The following PAMR1 variants were observed in gnomAD, a reference collection of about 807,000 sequenced individuals.
PAMR1 encodes peptidase domain containing associated with muscle regeneration 1.
Under a neutral mutation model 81.8 loss-of-function variants are expected in PAMR1, and 88 were observed. The observed-to-expected ratio is 1.08, with a 90% CI of 0.91 to 1.28. The LOEUF is 1.28. PAMR1 is among the 50% of genes most tolerant of loss of function. The pLI, the probability that PAMR1 is intolerant of heterozygous loss-of-function variation, is 0.00. For missense variants in PAMR1, 935 were observed against 919.7 expected, an observed-to-expected ratio of 1.02 and a Z score of -0.21; for synonymous variants, 336 against 345.3, an observed-to-expected ratio of 0.97 and a Z score of 0.30.
rs16926163 is a variant in PAMR1, at chr11:35,518,950, A to G, written c.73+6563T>C. On this transcript the variant is annotated intron_variant, in intron 1 of 10. Transcript: ENST00000619888. Reference sequence around the variant, plus strand: ...CTGGCAGCAACAGCCTGGTTTTCCAAACATCAAGTCAACTGACCAGACTTC... The same window carrying G: ...CTGGCAGCAACAGCCTGGTTTTCCAGACATCAAGTCAACTGACCAGACTTC... Among the ~76,000 whole-genome samples, 2,850 of 152,278 alleles carry G rather than the reference A, an allele frequency of 0.019. 192 individuals carry two copies. In the East Asian group the frequency reaches 0.2, roughly 11 times the overall value.
chr11:35,466,392 A>G (rs1040389414), intron 6 of PAMR1, among the ~76,000 whole-genome samples: 42 of 152,188 alleles, frequency 2.8e-4, no homozygotes, highest in Admixed American at 2.0e-3. Context: ...GGGACCCACT[A>G]TTGAAACCAT....
chr11:35,439,789 C>T, intron 7 of PAMR1, 96 bp from the exon 8 acceptor site: 1 of 1,005,652 alleles, frequency 9.9e-7, no homozygotes, highest in Non-Finnish European at 1.6e-6. Flanking sequence ...CTTCTGGACA[C>T]CAGGTGCCCA....
At chr11:35,451,882 C>CCT in intron 6 of PAMR1, 1 of 706,078 alleles carries the variant, frequency 1.4e-6, no homozygotes, top group Non-Finnish European at 2.6e-6. Flanking sequence ...TGAAGCAAGC[C>CCT]CTCACCAGAC....
intron 3 of PAMR1, among the ~76,000 whole-genome samples, chr11:35,478,570 A>T (rs1001217458): frequency 6.6e-6 from 1 of 152,076 alleles, no homozygotes; most frequent in Admixed American, 6.5e-5. Context: ...CCCTCCCCAC[A>T]TCAAGGAATG....
chr11:35,455,078 G>A (rs915822397), intron 6 of PAMR1, among the ~76,000 whole-genome samples: 1 of 152,212 alleles, frequency 6.6e-6, no homozygotes, highest in African/African-American at 2.4e-5. Context: ...AGGTCTGAGA[G>A]ATGGATTTTA....
intron 3 of PAMR1, among the ~76,000 whole-genome samples, chr11:35,477,540 C>T (rs532706020): frequency 6.6e-5 from 10 of 152,308 alleles, no homozygotes; most frequent in South Asian, 2.1e-4. Context: ...TTTCCCTAGC[C>T]GTGCAGCCTT....
intron 3 of PAMR1, among the ~76,000 whole-genome samples, chr11:35,478,625 G>A (rs963164502): frequency 3.9e-5 from 6 of 152,138 alleles, no homozygotes; most frequent in Non-Finnish European, 7.4e-5. Flanking sequence ...GAGAGCTGGC[G>A]AGGCTGGGTG....
intron 1 of PAMR1, among the ~76,000 whole-genome samples, chr11:35,496,188 T>C (rs1297549045): frequency 6.6e-6 from 1 of 152,208 alleles, no homozygotes; most frequent in African/African-American, 2.4e-5. Flanking sequence ...GGAGTAAATC[T>C]CCATCCATGA....
At chr11:35,442,263 A>C (rs964786986) in intron 6 of PAMR1, among the ~76,000 whole-genome samples, 1 of 152,258 alleles carries the variant, frequency 6.6e-6, no homozygotes. Context: ...TTGTAGAGAT[A>C]CAATAAATTT....
At chr11:35,482,999 C>T (rs1850428352) in intron 3 of PAMR1, among the ~76,000 whole-genome samples, 1 of 152,252 alleles carries the variant, frequency 6.6e-6, no homozygotes, top group South Asian at 2.1e-4. Context: ...TTTCATCACC[C>T]ATGCTCTATT....
intron 1 of PAMR1, among the ~76,000 whole-genome samples, chr11:35,517,215 A>C (rs551217259): frequency 1.6e-4 from 24 of 152,346 alleles, no homozygotes; most frequent in Non-Finnish European, 2.1e-4. Flanking sequence ...ACAGGAAATG[A>C]GTTTTCTCCA....
upstream of PAMR1, among the ~76,000 whole-genome samples, chr11:35,527,916 T>G (rs1471522245): frequency 6.6e-6 from 1 of 152,154 alleles, no homozygotes; most frequent in Non-Finnish European, 1.5e-5. Flanking sequence ...TGAAAACTTT[T>G]ATGGGGGTAA....
At chr11:35,443,916 T>G (rs139445695) in intron 6 of PAMR1, among the ~76,000 whole-genome samples, 7 of 152,372 alleles carry the variant, frequency 4.6e-5, no homozygotes, top group Admixed American at 2.0e-4. Context: ...TGAGATAGTA[T>G]CTCGTTGTGG....
Position 35,435,909 on chromosome 11 carries a change from T to A in PAMR1, c.1327A>T (p.Ile443Phe), listed in dbSNP as rs767923770. The change falls in exon 9 of 11, where the codon ATC (isoleucine) becomes TTC (phenylalanine). Residue 443 changes from isoleucine (I) to phenylalanine (F), a missense_variant. Transcript: ENST00000619888. ...AGAATGAGCCTTGACTCACTAGGGA[T>A]GCAGGATGGTGCCCGCCCACTCCAC... The part of the protein sequence containing the change: ...GKWSGRAPSC[I>F]PICGKIENIT... 6.2e-7 allele frequency: 1 copy of A among 1,611,748 alleles called. No homozygotes were observed. The highest frequency in any genetic ancestry group is 8.5e-7 in the Non-Finnish European group (1 of 1,177,818).
intron 6 of PAMR1, among the ~76,000 whole-genome samples, chr11:35,464,319 T>A (rs1207831936): frequency 6.6e-6 from 1 of 152,184 alleles, no homozygotes; most frequent in Non-Finnish European, 1.5e-5. Context: ...AATACCAACA[T>A]GGACTGATCT....
At chr11:35,526,824 T>C (rs754372467), upstream of PAMR1, among the ~76,000 whole-genome samples, 1 of 152,176 alleles carries the variant, frequency 6.6e-6, no homozygotes, top group South Asian at 2.1e-4. Flanking sequence ...CCACGTGTCA[T>C]GGGAGGGACC....
intron 8 of PAMR1, among the ~76,000 whole-genome samples, chr11:35,436,834 A>G (rs1856057810): frequency 6.6e-6 from 1 of 152,258 alleles, no homozygotes; most frequent in East Asian, 1.9e-4. Context: ...ATCCAAAGGT[A>G]CATTATACAT....
At chr11:35,487,390 T>C (rs1458686223) in intron 3 of PAMR1, among the ~76,000 whole-genome samples, 1 of 152,176 alleles carries the variant, frequency 6.6e-6, no homozygotes, top group Non-Finnish European at 1.5e-5. Flanking sequence ...TACCAGGCTC[T>C]TTCTGATTTC....
In PAMR1 at chr11:35,468,075, G is replaced by A. The variant is rs138326425; in HGVS notation, c.746C>T (p.Thr249Met). 582 of 1,556,176 alleles carry A rather than the reference G, an allele frequency of 3.7e-4. 5 individuals carry two copies. In the East Asian group the frequency reaches 0.01, roughly 27 times the overall value. The part of the protein sequence containing the change: ...CSSSPCFHDG[T>M]CVLDKAGSYK... ...AGATCCAGCCTTGTCAAGGACGCAC[G>A]TGCCGTCATGGAAACAAGGGGATGA... Residue 249 changes from threonine (T) to methionine (M), a missense_variant, in exon 6 of 11, where the codon ACG becomes ATG. Coordinates refer to ENST00000619888, the MANE Select transcript of PAMR1 (RefSeq NM_001001991.3).
Sources: gnomAD v4.1 joint callset for allele counts (sites outside exome capture counted in the v4.1 genomes callset) on GRCh38, gnomAD v4.1.1 for gene constraint, MANE v1.5 for transcripts, NCBI Gene and HGNC (gene_info 2026-07-23, HGNC 2026-07-21) for gene names.